USP35: variants seen among roughly 807,000 people sequenced by gnomAD.
USP35 encodes ubiquitin specific peptidase 35, also known as ubiquitin carboxyl-terminal hydrolase 35.
USP35 carries 69 observed loss-of-function variants against 83.8 expected under a neutral mutation model. The ratio of observed to expected loss-of-function variants is 0.82; its 90% CI spans 0.68 to 1.01. The LOEUF is 1.01. USP35 is among the 50% of genes least tolerant of loss of function. The pLI, the probability that USP35 is intolerant of heterozygous loss-of-function variation, is 0.00. For missense variants in USP35, 1,503 were observed against 1,362.5 expected (o/e 1.10, Z -1.62); for synonymous variants, 714 against 589.5 (o/e 1.21, Z -3.06).
At chr11:78,204,803 A>G (rs1863484997) in intron 6 of USP35, among the ~76,000 whole-genome samples, 1 of 152,210 alleles carries the variant, frequency 6.6e-6, no homozygotes, top group Non-Finnish European at 1.5e-5. Flanking sequence ...GAAGTGACTG[A>G]CTGCTCTGAT....
At position 78,210,420 on chromosome 11, in the gene USP35, A is replaced by C. The variant is rs1464960483; in HGVS notation, c.2565A>C (p.Gly855=). ...TCTGCAGTGTGGTGGTGCACTCTGG[A>C]GTGTCTTCGGAGAGTGGTCACTACT... ...YDLCSVVVHS[G]VSSESGHYYC... Residue 855 remains glycine, a synonymous_variant, in exon 10 of 11, where the codon GGA becomes GGC. Transcript: ENST00000529308. 1 of 1,613,882 alleles carries C rather than the reference A, an allele frequency of 6.2e-7. No individual in the cohort carries two copies. The highest frequency in any genetic ancestry group is 1.3e-5 in the African/African-American group (1 of 74,922).
At chr11:78,210,877 A>G (rs895244606) in intron 10 of USP35, 133 bp downstream of exon 10, 20 of 957,462 alleles carry the variant, frequency 2.1e-5, no homozygotes, top group Middle Eastern at 6.5e-4. Context: ...AGTGCTGGGT[A>G]TATACTGGTG....
chr11:78,213,168 A>T (rs1262287672), intron 10 of USP35, among the ~76,000 whole-genome samples: 1 of 152,206 alleles, frequency 6.6e-6, no homozygotes, highest in East Asian at 1.9e-4. Context: ...CAGCCCAGGG[A>T]GGGGCCTGAG....
the USP35 span, chr11:78,227,134 A>T: frequency 1.1e-6 from 1 of 948,148 alleles, no homozygotes; most frequent in South Asian, 1.4e-5. Context: ...TTCTCTTTCT[A>T]TACTTTGGTT....
At chr11:78,226,403 C>A in the USP35 span, 1 of 1,315,972 alleles carries the variant, frequency 7.6e-7, no homozygotes, top group Non-Finnish European at 1.1e-6. Flanking sequence ...GACCATCAAA[C>A]TATTGAGAAC....
downstream of USP35, chr11:78,216,222 T>G (rs1033318658): frequency 6.6e-6 from 1 of 152,416 alleles, no homozygotes; most frequent in African/African-American, 2.4e-5. Flanking sequence ...CTCACTTGAC[T>G]TAACCTTGCA....
At chr11:78,229,447 C>T in the USP35 span, among the ~76,000 whole-genome samples, 1 of 152,180 alleles carries the variant, frequency 6.6e-6, no homozygotes, top group Non-Finnish European at 1.5e-5. Flanking sequence ...GCATCACAGG[C>T]ACCCTGCAAT....
Position 78,189,000 on chromosome 11 carries a change from C to A in USP35, c.-168C>A. The A allele has an allele frequency of 1.0e-6, 1 of 965,570 alleles. No individual in the cohort carries two copies. The highest frequency in any genetic ancestry group is 1.2e-6 in the Non-Finnish European group (1 of 811,828). The allele number at this position is 965,570 out of a possible 1,614,324, so 59.8% of individuals were successfully genotyped here. A position where few individuals can be genotyped will look rare whatever the true frequency, so the allele number is the denominator to read the frequency against. On this transcript the variant is annotated 5_prime_UTR_variant, in exon 1 of 11. Transcript: ENST00000529308. The stretch of plus-strand genomic sequence containing the variant: ...GGCGGGGTGGGAAGACTGGATTTTG[C>A]AGTGGAAGCAGCATCTCTTCCGTCT...
Position 78,210,480 on chromosome 11 carries a change from CGCTTCT to C in USP35, c.2626_2631del (p.Ala876_Ser877del). ...CCCGTGAGGGCGCTGCCCGCCCTGC[CGCTTCT>C]CTGGGAACTGCCGATAGGCCAGAGC... On this transcript the variant is annotated inframe_deletion, in exon 10 of 11. Transcript: ENST00000529308. 6.2e-7 allele frequency: 1 copy of C among 1,614,194 alleles called. No homozygotes were observed. Among genetic ancestry groups the C allele is most frequent in the Non-Finnish European group, 8.5e-7 (1 of 1,179,990 alleles).
intron 1 of USP35, among the ~76,000 whole-genome samples, chr11:78,194,903 GAGA>G (rs1487020906): frequency 5.3e-5 from 8 of 152,278 alleles, no homozygotes; most frequent in Middle Eastern, 3.4e-3. Flanking sequence ...TGCTACCAAG[GAGA>G]AGGACAAGAT....
At chr11:78,229,519 T>C in the USP35 span, among the ~76,000 whole-genome samples, 1 of 152,230 alleles carries the variant, frequency 6.6e-6, no homozygotes, top group South Asian at 2.1e-4. Flanking sequence ...TCCTCCTGCC[T>C]CTCTTATTTT....
Position 78,196,548 on chromosome 11 carries a change from C to A in USP35, c.303C>A (p.Leu101=). Residue 101 remains leucine, a synonymous_variant, in exon 2 of 11, where the codon CTC becomes CTA. Transcript: ENST00000529308. The surrounding 1 kb of genome is among the most constrained non-coding windows in gnomAD (Gnocchi z 4.8). The part of the protein sequence containing the change: ...GGAGPPGPRA[L]ACVQLGLQLL... ...CCGGCCCCCCGGGCCCCCGCGCGCT[C>A]GCCTGCGTGCAGCTGGGTCTGCAGC... is the stretch of plus-strand genomic sequence containing the variant. The A allele has an allele frequency of 1.6e-6, 2 of 1,237,086 alleles. No individual in the cohort carries two copies. Among genetic ancestry groups the A allele is most frequent in the South Asian group, 2.2e-5 (1 of 45,990 alleles). 76.6% of individuals were successfully genotyped at this position (1,237,086 alleles called of 1,614,324 possible).
At position 78,210,386 on chromosome 11, in the gene USP35, C is replaced by T; in HGVS notation, c.2531C>T (p.Ala844Val). ...CCACTGGCTGGTGGCCGTGGCCAGG[C>T]CTATGACCTCTGCAGTGTGGTGGTG... The part of the protein sequence containing the change: ...RLPLAGGRGQ[A>V]YDLCSVVVHS... The change falls in exon 10 of 11, where the codon GCC becomes GTC. Residue 844 changes from alanine (A) to valine (V), a missense_variant. Transcript: ENST00000529308. 6.2e-7 allele frequency: 1 copy of T among 1,613,816 alleles called. No homozygotes were observed. The highest frequency in any genetic ancestry group is 8.5e-7 in the Non-Finnish European group (1 of 1,180,034).
downstream of USP35, chr11:78,217,241 T>G (rs1237445904): frequency 6.6e-6 from 1 of 152,382 alleles, no homozygotes; most frequent in Admixed American, 6.5e-5. Context: ...TCTCATGTCC[T>G]TGTCCTTTTT....
the USP35 span, among the ~76,000 whole-genome samples, chr11:78,228,540 G>A: frequency 1.3e-5 from 2 of 152,196 alleles, no homozygotes; most frequent in African/African-American, 4.8e-5. Context: ...CAGCTCCTGA[G>A]GAGTTTGTTA....
chr11:78,212,739 G>T (rs1004500680), intron 10 of USP35, among the ~76,000 whole-genome samples: 1 of 152,148 alleles, frequency 6.6e-6, no homozygotes, highest in Non-Finnish European at 1.5e-5. Flanking sequence ...ATTGGTTTTT[G>T]TATGTATCAT....
chr11:78,219,455 T>G (rs1305299612), downstream of USP35: 1 of 1,599,936 alleles, frequency 6.3e-7, no homozygotes, highest in African/African-American at 1.3e-5. Flanking sequence ...AGCTGTGAGT[T>G]ACCAGTTAGG....
chr11:78,209,015 G>A (rs781729749), intron 9 of USP35, 52 bp downstream of exon 9: 14 of 1,566,676 alleles, frequency 8.9e-6, no homozygotes, highest in Non-Finnish European at 1.2e-5. Context: ...GTCCTTGGGG[G>A]CAAGCCCAGT....
At position 78,208,963 on chromosome 11, in the gene USP35, G is replaced by A. The variant is rs1338149382; in HGVS notation, c.1592G>A (p.Arg531Gln). The A allele has an allele frequency of 6.8e-6, 11 of 1,613,862 alleles. No homozygotes were observed. Among genetic ancestry groups the A allele is most frequent in the Middle Eastern group, 1.6e-4 (1 of 6,078 alleles). The change falls in exon 9 of 11, where the codon CGG becomes CAG. Residue 531 changes from arginine (R) to glutamine (Q), a missense_variant and splice_region_variant. Transcript: ENST00000529308. ...GAGTATCTGAAGTACCTGCTGGATCGGTAAGGGGGCCAGGGCTACGCGAAG... is the reference window on the plus strand; with the variant it reads ...GAGTATCTGAAGTACCTGCTGGATCAGTAAGGGGGCCAGGGCTACGCGAAG... ...CSEYLKYLLD[R>Q]LHEEEKTGTR... is the part of the protein sequence containing the mutation.
Sources: gnomAD v4.1 joint callset for allele counts (sites outside exome capture counted in the v4.1 genomes callset) on GRCh38, gnomAD v4.1.1 for gene constraint, Gnocchi (gnomAD v3.1) non-coding constraint, MANE v1.5 for transcripts, NCBI Gene and HGNC (gene_info 2026-07-23, HGNC 2026-07-21) for gene names.